CREM: variants seen among roughly 807,000 people sequenced by gnomAD.
CREM encodes cAMP responsive element modulator.
Under a neutral mutation model 37.3 loss-of-function variants are expected in CREM, and 13 were observed. The observed-to-expected ratio is 0.35, with a 90% CI of 0.23 to 0.55. The LOEUF is 0.55. Among genes scored for constraint, CREM ranks in the 20% least tolerant of loss-of-function variants. The pLI is 0.88. For missense variants in CREM, 296 were observed against 362.3 expected (o/e 0.82, Z 1.49); for synonymous variants, 124 against 120.2 (o/e 1.03, Z -0.21).
At chr10:35,143,754 C>T (rs189768224) in intron 2 of CREM, among the ~76,000 whole-genome samples, 13 of 152,012 alleles carry the variant, frequency 8.6e-5, no homozygotes, top group Admixed American at 2.6e-4. Context: ...AGGGTTTTTA[C>T]GAGGGAGTAA....
At chr10:35,168,386 A>G (rs2093652798) in intron 3 of CREM, among the ~76,000 whole-genome samples, 1 of 152,178 alleles carries the variant, frequency 6.6e-6, no homozygotes, top group Admixed American at 6.5e-5. Context: ...TTGGCTGCAT[A>G]AATGTCTTCT....
rs776313429 is a variant in CREM at position 35,207,068 on chromosome 10, G to A, written c.755+17G>A. On this transcript the variant is annotated intron_variant, in intron 7 of 7. Coordinates refer to ENST00000685392, the MANE Select transcript of CREM (RefSeq NM_183011.2). ...GAAAAACAGGTGAGGTGTTGCACAG[G>A]GAATCGGTAACTTCTAGGACACTTT... is the stretch of plus-strand genomic sequence containing the variant. The A allele has an allele frequency of 5.3e-5, 85 of 1,606,822 alleles. No homozygotes were observed. Among genetic ancestry groups the A allele is most frequent in the Middle Eastern group, 1.7e-4 (1 of 6,004 alleles).
Position 35,176,041 on chromosome 10 carries a change from A to C in CREM, c.169-2848A>C. 2.6e-6 allele frequency: 4 copies of C among 1,523,242 alleles called. 1 individual carries two copies. In the South Asian group the frequency reaches 5.1e-5, roughly 19 times the overall value. The allele number at this position is 1,523,242 out of a possible 1,614,324, so 94.4% of individuals were successfully genotyped here. A position where few individuals can be genotyped will look rare whatever the true frequency, so the allele number is the denominator to read the frequency against. Reference sequence around the variant, plus strand: ...AATGGTTTTGTCTTTGACTTTCTTGAGCCATTTTTTTCCTCTTTCACTAAT... The same window carrying C: ...AATGGTTTTGTCTTTGACTTTCTTGCGCCATTTTTTTCCTCTTTCACTAAT... On this transcript the variant is annotated intron_variant, in intron 3 of 7. Transcript: ENST00000685392.
At chr10:35,167,365 TC>T (rs1228018020) in intron 3 of CREM, among the ~76,000 whole-genome samples, 14 of 152,242 alleles carry the variant, frequency 9.2e-5, no homozygotes, top group African/African-American at 3.4e-4. Context: ...TTTATTGTAG[TC>T]CTTAAACTAG....
intron 6 of CREM, among the ~76,000 whole-genome samples, chr10:35,203,715 GT>G (rs983840267): frequency 4.8e-4 from 69 of 145,060 alleles, no homozygotes; most frequent in African/African-American, 7.1e-4. Flanking sequence ...AAAGTAAAAA[GT>G]TTTTTTTTTT....
intron 3 of CREM, among the ~76,000 whole-genome samples, chr10:35,176,369 T>C (rs1304255078): frequency 6.6e-6 from 1 of 152,010 alleles, no homozygotes; most frequent in Admixed American, 6.6e-5. Context: ...CACAGTAATA[T>C]AAAGATTATA....
At chr10:35,182,914 T>C (rs1378028640) in intron 5 of CREM, among the ~76,000 whole-genome samples, 6 of 152,232 alleles carry the variant, frequency 3.9e-5, no homozygotes, top group African/African-American at 1.4e-4. Flanking sequence ...GAGACAGCCT[T>C]AGAATTAACA....
At chr10:35,136,241 T>A (rs1260292026) in intron 1 of CREM, among the ~76,000 whole-genome samples, 1 of 152,232 alleles carries the variant, frequency 6.6e-6, no homozygotes, top group Non-Finnish European at 1.5e-5. Flanking sequence ...TTGGCCTTTT[T>A]TCTATGATAT....
At chr10:35,210,381 T>C (rs926675335) in intron 7 of CREM, 6 of 152,336 alleles carry the variant, frequency 3.9e-5, no homozygotes, top group Non-Finnish European at 8.8e-5. Context: ...GGTGGGGTTA[T>C]GTATGAAAAT....
rs147957848 is a variant in CREM at position 35,136,362 on chromosome 10, G to A, written c.-54-1420G>A. 1.2e-4 allele frequency among the ~76,000 whole-genome samples: 18 copies of A among 152,298 alleles called. No homozygotes were observed. In the East Asian group the frequency reaches 3.5e-3, roughly 29 times the overall value. ...GAGCTGTCTCCTGCAGTGCCCCAGT[G>A]TCTAGTATGAGGGGGTGGCATCTAA... On this transcript the variant is annotated intron_variant, in intron 1 of 7. Coordinates refer to ENST00000685392, the MANE Select transcript of CREM (RefSeq NM_183011.2).
chr10:35,177,020 T>C (rs2094124658), intron 3 of CREM, among the ~76,000 whole-genome samples: 1 of 152,164 alleles, frequency 6.6e-6, no homozygotes, highest in Non-Finnish European at 1.5e-5. Flanking sequence ...TTTTTGTTCA[T>C]TTTTAAGGTC....
chr10:35,186,087 T>C (rs2094544137), intron 5 of CREM, among the ~76,000 whole-genome samples: 1 of 152,228 alleles, frequency 6.6e-6, no homozygotes, highest in South Asian at 2.1e-4. Flanking sequence ...GGTATTTACA[T>C]TGATGTATAG....
At chr10:35,201,756 T>A (rs1186315647) in intron 6 of CREM, among the ~76,000 whole-genome samples, 1 of 152,194 alleles carries the variant, frequency 6.6e-6, no homozygotes. Context: ...AAGGAAAATT[T>A]AAGAAATAAT....
chr10:35,154,260 A>G (rs1324985737), intron 3 of CREM: 1 of 391,266 alleles, frequency 2.6e-6, no homozygotes, highest in African/African-American at 2.1e-5. Flanking sequence ...GGTCCCACAT[A>G]GGCCTAGGAA....
intron 5 of CREM, among the ~76,000 whole-genome samples, chr10:35,184,513 TAAC>T (rs1298271555): frequency 4.6e-5 from 7 of 152,182 alleles, no homozygotes; most frequent in South Asian, 2.1e-4. Flanking sequence ...TGTCATTTGA[TAAC>T]AACAAAATCA....
At position 35,149,018 on chromosome 10, in the gene CREM, T is replaced by C. The variant is rs542099093; in HGVS notation, c.168+527T>C. On this transcript the variant is annotated intron_variant, in intron 3 of 7. Transcript: ENST00000685392. ...ATTTGTTAGTTCATCAAATATTTAT[T>C]GAATGTCTGCTGTGTCTAATTATTC... Among the ~76,000 whole-genome samples the C allele has an allele frequency of 1.2e-3, 190 of 152,358 alleles. 2 individuals carry two copies. Among genetic ancestry groups the C allele is most frequent in the African/African-American group, 4.4e-3 (181 of 41,590 alleles).
chr10:35,146,009 A>G (rs35714830), intron 2 of CREM, among the ~76,000 whole-genome samples: 20,642 of 152,206 alleles, frequency 0.14, 1,589 homozygotes, highest in South Asian at 0.2. Context: ...CAAGGACCAT[A>G]ATTTGAGAAA....
rs73260850 is a variant in CREM at position 35,131,081 on chromosome 10, G to A, written c.-55+3888G>A. Reference sequence around the variant, plus strand: ...AAATAACCATCTCGTTGGTCAGGAAGGATGCTTACCTCTAAGAAAACCTTA... The same window carrying A: ...AAATAACCATCTCGTTGGTCAGGAAAGATGCTTACCTCTAAGAAAACCTTA... On this transcript the variant is annotated intron_variant, in intron 1 of 7. Transcript: ENST00000685392. Among the ~76,000 whole-genome samples, 576 of 152,260 alleles carry A rather than the reference G, an allele frequency of 3.8e-3. 6 individuals carry two copies. The highest frequency in any genetic ancestry group is 0.013 in the African/African-American group (535 of 41,546).
At chr10:35,141,354 A>G (rs1370516481) in intron 2 of CREM, among the ~76,000 whole-genome samples, 2 of 152,202 alleles carry the variant, frequency 1.3e-5, no homozygotes, top group African/African-American at 4.8e-5. Context: ...ATGTTTTAGA[A>G]ACATAACTAT....
Sources: gnomAD v4.1 joint callset for allele counts (sites outside exome capture counted in the v4.1 genomes callset) on GRCh38, gnomAD v4.1.1 for gene constraint, MANE v1.5 for transcripts, NCBI Gene and HGNC (gene_info 2026-07-23, HGNC 2026-07-21) for gene names.